The following PDE2A variants were observed in gnomAD, a reference collection of about 807,000 sequenced individuals.
PDE2A encodes the protein phosphodiesterase 2A, also known as cGMP-dependent 3',5'-cyclic phosphodiesterase.
PDE2A carries 53 observed loss-of-function variants against 133.6 expected under a neutral mutation model. The ratio of observed to expected loss-of-function variants is 0.40; its 90% confidence interval spans 0.32 to 0.50. The LOEUF (loss-of-function observed/expected upper bound fraction) is 0.50, where lower values mean the gene tolerates loss of function less well. Ranked by LOEUF, PDE2A falls within the 20% of genes least tolerant of loss-of-function variation. The pLI is 0.73. For missense variants in PDE2A, 796 were observed against 1,232.4 expected, an observed-to-expected ratio of 0.65 and a Z score of 5.30; for synonymous variants, 491 against 490.2, an observed-to-expected ratio of 1.00 and a Z score of -0.02.
intron 2 of PDE2A, among the ~76,000 whole-genome samples, chr11:72,628,328 A>G (rs1398735015): frequency 1.4e-5 from 2 of 147,190 alleles, no homozygotes; most frequent in East Asian, 4.0e-4. Flanking sequence ...AGAATGATAG[A>G]GGTTCTTTTT....
At chr11:72,580,002 G>A (rs1855647094) in intron 25 of PDE2A, 1 of 213,868 alleles carries the variant, frequency 4.7e-6, no homozygotes, top group East Asian at 1.1e-4. Flanking sequence ...GGATGCTGAA[G>A]GGCTGTCACT....
At chr11:72,655,978 G>A (rs1211490450) in intron 1 of PDE2A, among the ~76,000 whole-genome samples, 2 of 152,178 alleles carry the variant, frequency 1.3e-5, no homozygotes, top group African/African-American at 4.8e-5. Context: ...CACCTGTGCT[G>A]GGCAAGGCTG....
chr11:72,612,200 C>G (rs540717752), intron 2 of PDE2A, among the ~76,000 whole-genome samples: 1 of 152,208 alleles, frequency 6.6e-6, no homozygotes, highest in East Asian at 1.9e-4. Flanking sequence ...CACACAAACA[C>G]GCACACAGAC....
At chr11:72,647,229 T>G (rs967883040) in intron 1 of PDE2A, among the ~76,000 whole-genome samples, 1 of 152,238 alleles carries the variant, frequency 6.6e-6, no homozygotes, top group African/African-American at 2.4e-5. Flanking sequence ...GTCTGCTGCC[T>G]GACATGCATC....
At chr11:72,645,715 C>A (rs1859112850) in intron 1 of PDE2A, among the ~76,000 whole-genome samples, 2 of 152,222 alleles carry the variant, frequency 1.3e-5, no homozygotes, top group South Asian at 4.1e-4. Flanking sequence ...GACCTCTGTC[C>A]CATGGAGGTG....
At chr11:72,586,656 C>G (rs1855987798) in intron 13 of PDE2A, among the ~76,000 whole-genome samples, 1 of 152,216 alleles carries the variant, frequency 6.6e-6, no homozygotes, top group South Asian at 2.1e-4. Context: ...TTGCCCTGCT[C>G]ATGGAGCTAG....
rs139782160 is a variant in PDE2A at position 72,580,658 on chromosome 11, C to T, written c.2134-34G>A. ...GCCCAGGAAAACTGTGGTCACTCCTCACATCCGGATCCAAGTGCCACTGCT... is the reference window on the plus strand; with the variant it reads ...GCCCAGGAAAACTGTGGTCACTCCTTACATCCGGATCCAAGTGCCACTGCT... On this transcript the variant is annotated intron_variant, in intron 24 of 30. Transcript: ENST00000334456. 1.6e-4 allele frequency: 243 copies of T among 1,523,458 alleles called. No individual in the cohort carries two copies. In the African/African-American group the frequency reaches 3.1e-3, roughly 20 times the overall value. 94.4% of individuals were successfully genotyped at this position (1,523,458 alleles called of 1,614,324 possible). A position where few individuals can be genotyped will look rare whatever the true frequency, so the allele number is the denominator to read the frequency against.
At chr11:72,671,844 C>T (rs1388485462) in intron 1 of PDE2A, among the ~76,000 whole-genome samples, 1 of 152,120 alleles carries the variant, frequency 6.6e-6, no homozygotes, top group African/African-American at 2.4e-5. Flanking sequence ...CCCTCTGCAT[C>T]CTAGCTAGAA....
At chr11:72,607,902 C>T (rs1262386590) in intron 3 of PDE2A, among the ~76,000 whole-genome samples, 1 of 152,138 alleles carries the variant, frequency 6.6e-6, no homozygotes, top group East Asian at 1.9e-4. Context: ...CTCCAGGCTT[C>T]AAACGTCCCC....
At chr11:72,609,952 G>C (rs1857131540) in intron 2 of PDE2A, among the ~76,000 whole-genome samples, 1 of 151,814 alleles carries the variant, frequency 6.6e-6, no homozygotes. Flanking sequence ...ATTAATAGAG[G>C]TCTGTTAACC....
At chr11:72,609,268 C>G (rs1192141072) in intron 2 of PDE2A, among the ~76,000 whole-genome samples, 1 of 152,176 alleles carries the variant, frequency 6.6e-6, no homozygotes, top group Admixed American at 6.6e-5. Context: ...GAAATTGAGC[C>G]CTTAAAAATG....
At chr11:72,615,040 C>A (rs767771455) in intron 2 of PDE2A, 1 of 482,546 alleles carries the variant, frequency 2.1e-6, no homozygotes, top group South Asian at 1.5e-5. Context: ...CCTGCCCACC[C>A]TTCGCAGACT....
At chr11:72,635,660 C>T (rs28435513) in intron 2 of PDE2A, among the ~76,000 whole-genome samples, 8,197 of 152,234 alleles carry the variant, frequency 0.054, 745 homozygotes, top group African/African-American at 0.19. Context: ...GCTCATATAT[C>T]GCTTGGAGAT....
chr11:72,616,476 G>C (rs2135384387), intron 2 of PDE2A, among the ~76,000 whole-genome samples: 1 of 152,356 alleles, frequency 6.6e-6, no homozygotes, highest in South Asian at 2.1e-4. Context: ...ATAGGTGTTG[G>C]TAGGCGTTTG....
chr11:72,616,319 C>T (rs1410646695), intron 2 of PDE2A, among the ~76,000 whole-genome samples: 1 of 152,190 alleles, frequency 6.6e-6, no homozygotes, highest in Non-Finnish European at 1.5e-5. Context: ...GCTCCCACTG[C>T]CCCCCTTTCC....
chr11:72,653,568 C>T (rs1316853551), intron 1 of PDE2A, among the ~76,000 whole-genome samples: 1 of 152,012 alleles, frequency 6.6e-6, no homozygotes, highest in Non-Finnish European at 1.5e-5. Context: ...AGGAGATAAG[C>T]CTGAGGCAGG....
At chr11:72,661,807 C>T (rs1855074229) in intron 1 of PDE2A, among the ~76,000 whole-genome samples, 1 of 152,230 alleles carries the variant, frequency 6.6e-6, no homozygotes, top group Admixed American at 6.5e-5. Context: ...CACACATGTG[C>T]TGAATCGTAC....
rs10751207 is a variant in PDE2A at position 72,585,854 on chromosome 11, C to A, written c.1182+216G>T. On this transcript the variant is annotated intron_variant, in intron 14 of 30. Transcript: ENST00000334456. ...AGCTGCCTAGGTGTTGCTGTAGTGC[C>A]CAAATTGAACACTAGAGGGCGATCA... Among the ~76,000 whole-genome samples the A allele has an allele frequency of 0.98, 149,143 of 152,266 alleles. 73,108 individuals carry two copies. Among genetic ancestry groups the A allele is most frequent in the South Asian group, 1 (4,828 of 4,828 alleles).
chr11:72,585,936 A>G, intron 14 of PDE2A, 134 bp downstream of exon 14: 2 of 666,446 alleles, frequency 3.0e-6, no homozygotes. Context: ...CCTTCAAGTT[A>G]TGAGGTTATG....
Sources: gnomAD v4.1 joint callset for allele counts (sites outside exome capture counted in the v4.1 genomes callset) on GRCh38, gnomAD v4.1.1 for gene constraint, MANE v1.5 for transcripts, NCBI Gene and HGNC (gene_info 2026-07-23, HGNC 2026-07-21) for gene names.